Variants in DISP1 observed in about 807,000 individuals in gnomAD.
The protein encoded by DISP1 is protein dispatched homolog 1.
DISP1 carries 30 observed loss-of-function variants against 37.3 expected under a neutral mutation model. The observed-to-expected ratio is 0.80, with a 90% CI of 0.60 to 1.09. The LOEUF is 1.09. Ranked by LOEUF, DISP1 falls within the 50% of genes least tolerant of loss-of-function variation. DISP1 has a pLI of 0.00. For missense variants in DISP1, 1,598 were observed against 1,879.5 expected (o/e 0.85, Z 2.77); for synonymous variants, 634 against 690.2 (o/e 0.92, Z 1.28).
intron 1 of DISP1, among the ~76,000 whole-genome samples, chr1:222,925,615 T>G (rs1327506507): frequency 2.0e-5 from 3 of 152,160 alleles, no homozygotes; most frequent in Non-Finnish European, 4.4e-5. Context: ...CCTTCCAAGA[T>G]TGGCTCTGTT....
chr1:222,900,608 C>T (rs1307930351), intron 1 of DISP1, among the ~76,000 whole-genome samples: 4 of 152,130 alleles, frequency 2.6e-5, no homozygotes, highest in African/African-American at 9.7e-5. Flanking sequence ...ATCTGAAAGA[C>T]TGAAACTTAA....
chr1:222,824,307 AT>A (rs1218107728), intron 1 of DISP1, among the ~76,000 whole-genome samples: 2 of 152,174 alleles, frequency 1.3e-5, no homozygotes, highest in South Asian at 2.1e-4. Flanking sequence ...CATTTAATAT[AT>A]TATTCATTTC....
intron 1 of DISP1, among the ~76,000 whole-genome samples, chr1:222,836,512 A>C (rs555311473): frequency 6.6e-6 from 1 of 152,322 alleles, no homozygotes; most frequent in South Asian, 2.1e-4. Flanking sequence ...AATGAAAATC[A>C]GGAACCCAGG....
intron 1 of DISP1, among the ~76,000 whole-genome samples, chr1:222,926,043 A>G (rs904608986): frequency 1.3e-5 from 2 of 152,198 alleles, no homozygotes; most frequent in African/African-American, 4.8e-5. Context: ...TTCACCATCC[A>G]AAAATAAACT....
rs536776389 is a variant in DISP1, at chr1:222,995,846, TCA to T, written c.987+865_987+866del. ...CGTGCTGAGAGCTAGCCTGACCACCTCATGCAATCACCTGTTCGGTCAACAGG... is the reference window on the plus strand; with the variant it reads ...CGTGCTGAGAGCTAGCCTGACCACCTTGCAATCACCTGTTCGGTCAACAGG... On this transcript the variant is annotated intron_variant, in intron 8 of 8. Coordinates refer to ENST00000675850, the MANE Select transcript of DISP1 (RefSeq NM_001377229.1). 2.6e-5 allele frequency among the ~76,000 whole-genome samples: 4 copies of T among 152,170 alleles called. No homozygotes were observed. The South Asian group carries it at 8.3e-4, about 32-fold the overall frequency.
At chr1:222,869,016 ATTTAG>A (rs1339436854) in intron 1 of DISP1, among the ~76,000 whole-genome samples, 1 of 152,122 alleles carries the variant, frequency 6.6e-6, no homozygotes, top group African/African-American at 2.4e-5. Context: ...AATGCCTTTG[ATTTAG>A]TTAAGACTTA....
chr1:223,003,421 A>G lies in DISP1; in HGVS notation c.2024A>G (p.Gln675Arg). The change falls in exon 9 of 9, where the codon CAG becomes CGG. Residue 675 changes from glutamine (Q) to arginine (R), a missense_variant. Gln to Arg is a conservative substitution (Grantham distance 43, BLOSUM62 1). Coordinates refer to ENST00000675850, the MANE Select transcript of DISP1 (RefSeq NM_001377229.1). This position sits in a 1 kb window ranked among gnomAD's most constrained non-coding sequence, Gnocchi z 4.3. The stretch of plus-strand genomic sequence containing the variant: ...TTCACTTGCTTCAAAAAGCCCCAGC[A>G]GCAAATATATGATAACAAAAGCTGC... Reference protein sequence around the residue: ...NIFTCFKKPQQQIYDNKSCWT... With the variant: ...NIFTCFKKPQRQIYDNKSCWT... 6.2e-7 allele frequency: 1 copy of G among 1,614,198 alleles called. No individual in the cohort carries two copies. The highest frequency in any genetic ancestry group is 8.5e-7 in the Non-Finnish European group (1 of 1,180,046).
chr1:222,823,685 A>C (rs1663541546), intron 1 of DISP1, among the ~76,000 whole-genome samples: 1 of 152,228 alleles, frequency 6.6e-6, no homozygotes, highest in African/African-American at 2.4e-5. Flanking sequence ...AAAAATAAAT[A>C]AGTAAAAAGC....
At chr1:222,913,866 G>A (rs1205980065) in intron 1 of DISP1, among the ~76,000 whole-genome samples, 2 of 151,824 alleles carry the variant, frequency 1.3e-5, no homozygotes, top group Admixed American at 6.6e-5. Context: ...AATCCAAGTG[G>A]GGGTAACTTG....
Position 222,943,294 on chromosome 1 carries a change from T to C in DISP1, c.471T>C (p.Phe157=). Residue 157 remains phenylalanine, a synonymous_variant, in exon 3 of 9, where the codon TTT becomes TTC. Coordinates refer to ENST00000675850, the MANE Select transcript of DISP1 (RefSeq NM_001377229.1). The stretch of plus-strand genomic sequence containing the variant: ...TGCATCATCCGTGGCCTGACCATTT[T>C]CAGCATCAGCCTGTGCAACAGCACA... ...FCLHHPWPDH[F]QHQPVQQHIA... 6.2e-7 allele frequency: 1 copy of C among 1,614,270 alleles called. No homozygotes were observed. Among genetic ancestry groups the C allele is most frequent in the East Asian group, 2.2e-5 (1 of 44,890 alleles).
rs371601719 is a variant in DISP1, at chr1:223,003,613, A to G, written c.2216A>G (p.Asn739Ser). The G allele has an allele frequency of 1.6e-4, 260 of 1,614,042 alleles. No homozygotes were observed. The highest frequency in any genetic ancestry group is 2.1e-4 in the Non-Finnish European group (252 of 1,180,048). Residue 739 changes from asparagine to serine, a missense_variant, in exon 9 of 9, where the codon AAT (asparagine) becomes AGT (serine). Physicochemically the swap from Asn to Ser is conservative, Grantham distance 46. Coordinates refer to ENST00000675850, the MANE Select transcript of DISP1 (RefSeq NM_001377229.1). The surrounding 1 kb of genome is among the most constrained non-coding windows in gnomAD (Gnocchi z 4.3). ...TVGGAYIVCINPKMKLPSLEL... is the reference protein window; with the variant it reads ...TVGGAYIVCISPKMKLPSLEL... ...GGTGGGGCCTACATTGTATGTATAAATCCAAAGATGAAACTGCCCTCACTG... is the reference window on the plus strand; with the variant it reads ...GGTGGGGCCTACATTGTATGTATAAGTCCAAAGATGAAACTGCCCTCACTG...
chr1:222,873,794 A>G (rs145164245), intron 1 of DISP1, among the ~76,000 whole-genome samples: 2,550 of 152,162 alleles, frequency 0.017, 64 homozygotes, highest in African/African-American at 0.056. Flanking sequence ...GTATTGTTAT[A>G]TGTGAATTTG....
At chr1:222,923,462 TA>T (rs1672919535) in intron 1 of DISP1, among the ~76,000 whole-genome samples, 1 of 152,298 alleles carries the variant, frequency 6.6e-6, no homozygotes, top group South Asian at 2.1e-4. Context: ...GGAGCAAAGA[TA>T]CAGTGGATAA....
intron 1 of DISP1, among the ~76,000 whole-genome samples, chr1:222,871,125 G>C (rs1269539466): frequency 6.7e-6 from 1 of 148,934 alleles, no homozygotes; most frequent in Non-Finnish European, 1.5e-5. Flanking sequence ...ATTTCTAAGG[G>C]CTCTGTTCTG....
At chr1:222,924,191 C>T (rs146604679) in intron 1 of DISP1, among the ~76,000 whole-genome samples, 5 of 152,000 alleles carry the variant, frequency 3.3e-5, no homozygotes, top group African/African-American at 9.6e-5. Context: ...TTTTTGTTTT[C>T]CTGCAATTTG....
intron 1 of DISP1, among the ~76,000 whole-genome samples, chr1:222,894,689 G>A (rs1323545604): frequency 1.3e-5 from 2 of 152,188 alleles, no homozygotes; most frequent in East Asian, 1.9e-4. Context: ...GGAGCATGGG[G>A]CTCCTGCTTT....
At chr1:222,839,308 G>A (rs747280669) in intron 1 of DISP1, among the ~76,000 whole-genome samples, 1 of 152,152 alleles carries the variant, frequency 6.6e-6, no homozygotes, top group Non-Finnish European at 1.5e-5. Flanking sequence ...TCTAATGCCC[G>A]ATGATCTGAG....
chr1:222,895,292 C>T (rs1394350192), intron 1 of DISP1, among the ~76,000 whole-genome samples: 1 of 152,138 alleles, frequency 6.6e-6, no homozygotes, highest in Non-Finnish European at 1.5e-5. Context: ...TCATTAGGAA[C>T]CTTTTGTAGA....
intron 1 of DISP1, among the ~76,000 whole-genome samples, chr1:222,839,886 T>C (rs755533346): frequency 2.0e-4 from 30 of 151,766 alleles, no homozygotes; most frequent in Non-Finnish European, 3.2e-4. Flanking sequence ...TGAGCTGAGA[T>C]TGTGCCACTG....
Sources: gnomAD v4.1 joint callset for allele counts (sites outside exome capture counted in the v4.1 genomes callset) on GRCh38, gnomAD v4.1.1 for gene constraint, Gnocchi (gnomAD v3.1) non-coding constraint, MANE v1.5 for transcripts, NCBI Gene and HGNC (gene_info 2026-07-23, HGNC 2026-07-21) for gene names.